The following PTPRT variants were observed in gnomAD, a reference collection of about 807,000 sequenced individuals.
The protein encoded by PTPRT is protein tyrosine phosphatase receptor type T.
In PTPRT, 56 loss-of-function variants were observed where a neutral mutation model predicts 176.8. That is an observed-to-expected ratio of 0.32 (90% CI 0.26 to 0.40). The LOEUF is 0.40. Among genes scored for constraint, PTPRT ranks in the 10% least tolerant of loss-of-function variants. The pLI is 1.00. For missense variants in PTPRT, 1,540 were observed against 1,908.2 expected (o/e 0.81, Z 3.60); for synonymous variants, 783 against 739.0 (o/e 1.06, Z -0.96).
At chr20:42,504,524 C>T (rs1436097219) in intron 7 of PTPRT, among the ~76,000 whole-genome samples, 2 of 151,956 alleles carry the variant, frequency 1.3e-5, no homozygotes, top group East Asian at 3.9e-4. Flanking sequence ...TATCATTTTG[C>T]TTTCAGTCTA....
intron 13 of PTPRT, among the ~76,000 whole-genome samples, chr20:42,250,805 G>T (rs2056539103): frequency 6.6e-6 from 1 of 152,230 alleles, no homozygotes. Flanking sequence ...TGTCTGTAGA[G>T]TCAGAGATTC....
intron 2 of PTPRT, among the ~76,000 whole-genome samples, chr20:42,844,408 C>T (rs555732568): frequency 6.6e-6 from 1 of 152,338 alleles, no homozygotes; most frequent in South Asian, 2.1e-4. Flanking sequence ...ATAGCATCCA[C>T]ATTACCATCA....
At chr20:42,301,623 T>C (rs1441491100) in intron 12 of PTPRT, among the ~76,000 whole-genome samples, 8 of 152,012 alleles carry the variant, frequency 5.3e-5, no homozygotes, top group Non-Finnish European at 1.2e-4. Flanking sequence ...GGGTGATTTA[T>C]AGACAGATAG....
chr20:42,509,594 T>G (rs1387787237), intron 7 of PTPRT, among the ~76,000 whole-genome samples: 1 of 150,710 alleles, frequency 6.6e-6, no homozygotes, highest in African/African-American at 2.4e-5. Flanking sequence ...TGTTCCTTAT[T>G]CATTTATCAA....
chr20:42,791,014 T>C (rs2077366458), intron 3 of PTPRT, among the ~76,000 whole-genome samples, 181 bp downstream of exon 3: 1 of 152,200 alleles, frequency 6.6e-6, no homozygotes, highest in Admixed American at 6.5e-5. Flanking sequence ...CTACAAATGA[T>C]GAATTCAAGT....
intron 7 of PTPRT, among the ~76,000 whole-genome samples, chr20:42,554,138 A>G (rs1295370394): frequency 6.6e-6 from 1 of 152,142 alleles, no homozygotes; most frequent in Non-Finnish European, 1.5e-5. Context: ...TTGCCTACAG[A>G]GAGTCCTTGA....
In PTPRT at chr20:42,315,936, A is replaced by G. The variant is rs879381661; in HGVS notation, c.1926T>C (p.Ile642=). The change falls in exon 12 of 31, where the codon ATT becomes ATC. Residue 642 remains isoleucine, a synonymous_variant. Coordinates refer to ENST00000373187, the MANE Select transcript of PTPRT (RefSeq NM_007050.6). ...TCACGGGCACCGAAAAGCACTCAAT[A>G]ATGTCAGCTGCCCTCCGTGACTTCT... is the stretch of plus-strand genomic sequence containing the variant. ...RLQKSRRAAD[I]IECFSVPVSY... 9.3e-6 allele frequency: 15 copies of G among 1,614,014 alleles called. No homozygotes were observed. Among genetic ancestry groups the G allele is most frequent in the Non-Finnish European group, 1.2e-5 (14 of 1,180,028 alleles).
intron 1 of PTPRT, among the ~76,000 whole-genome samples, chr20:42,958,663 T>A (rs540772894): frequency 6.6e-6 from 1 of 152,156 alleles, no homozygotes; most frequent in African/African-American, 2.4e-5. Flanking sequence ...TCTACCCCTT[T>A]ACTAGGGGAA....
intron 7 of PTPRT, among the ~76,000 whole-genome samples, chr20:42,543,548 G>C (rs747489367): frequency 6.6e-6 from 1 of 151,830 alleles, no homozygotes; most frequent in Non-Finnish European, 1.5e-5. Flanking sequence ...ATCTGTGAGG[G>C]TTAGAATCAA....
Position 42,819,972 on chromosome 20 carries a change from G to T in PTPRT, c.215-28506C>A, listed in dbSNP as rs377428124. Among the ~76,000 whole-genome samples the T allele has an allele frequency of 8.5e-5, 13 of 152,268 alleles. No individual in the cohort carries two copies. In the East Asian group the frequency reaches 1.2e-3, roughly 14 times the overall value. ...AGATTCCCACACAATAATATTGGGA[G>T]ACTTTAATACCTCACTCTCAATATT... On this transcript the variant is annotated intron_variant, in intron 2 of 30. Coordinates refer to ENST00000373187, the MANE Select transcript of PTPRT (RefSeq NM_007050.6).
chr20:42,964,673 T>C (rs1982195045), intron 1 of PTPRT, among the ~76,000 whole-genome samples: 1 of 152,200 alleles, frequency 6.6e-6, no homozygotes, highest in Admixed American at 6.5e-5. Context: ...CCTCTCTCCC[T>C]ACATGGAATT....
chr20:42,901,119 A>C (rs2079397074), intron 1 of PTPRT, among the ~76,000 whole-genome samples: 1 of 152,116 alleles, frequency 6.6e-6, no homozygotes. Flanking sequence ...CTGTTTGATC[A>C]CCAATAAATA....
intron 9 of PTPRT, among the ~76,000 whole-genome samples, chr20:42,374,883 T>C (rs1751259147): frequency 1.3e-5 from 2 of 152,164 alleles, no homozygotes; most frequent in African/African-American, 4.8e-5. Context: ...AACTAGAATC[T>C]GACACAGAGA....
At position 43,014,906 on chromosome 20, in the gene PTPRT, T is replaced by G. The variant is rs192011937; in HGVS notation, c.89-128974A>C. 3.9e-5 allele frequency among the ~76,000 whole-genome samples: 6 copies of G among 152,292 alleles called. No homozygotes were observed. The East Asian group carries it at 1.2e-3, about 29-fold the overall frequency. Reference sequence around the variant, plus strand: ...TTTTAAAGCATTTCCACACAAAGTATGGGGCATAAGATCTGTTAAAGGAAA... The same window carrying G: ...TTTTAAAGCATTTCCACACAAAGTAGGGGGCATAAGATCTGTTAAAGGAAA... On this transcript the variant is annotated intron_variant, in intron 1 of 30. Coordinates refer to ENST00000373187, the MANE Select transcript of PTPRT (RefSeq NM_007050.6).
At chr20:42,679,702 T>A (rs1229030260) in intron 6 of PTPRT, among the ~76,000 whole-genome samples, 1 of 141,602 alleles carries the variant, frequency 7.1e-6, no homozygotes, top group East Asian at 2.1e-4. Context: ...CTTCCTTCAC[T>A]TATATTGTAA....
chr20:43,043,829 A>G (rs905658572), intron 1 of PTPRT, among the ~76,000 whole-genome samples: 5 of 152,182 alleles, frequency 3.3e-5, no homozygotes, highest in African/African-American at 1.2e-4. Context: ...CAGCCTGAAT[A>G]CTGTGAAGAA....
intron 9 of PTPRT, among the ~76,000 whole-genome samples, chr20:42,360,439 GCT>G (rs1168937370): frequency 6.6e-6 from 1 of 152,156 alleles, no homozygotes; most frequent in Non-Finnish European, 1.5e-5. Flanking sequence ...ACGGCTCTAA[GCT>G]CTTTCTTCCT....
At chr20:42,965,987 G>A (rs947825491) in intron 1 of PTPRT, among the ~76,000 whole-genome samples, 1 of 152,156 alleles carries the variant, frequency 6.6e-6, no homozygotes, top group Non-Finnish European at 1.5e-5. Flanking sequence ...ACTAAACACC[G>A]GAGAAGACAG....
chr20:42,839,679 C>A (rs539497107), intron 2 of PTPRT, among the ~76,000 whole-genome samples: 4 of 152,290 alleles, frequency 2.6e-5, no homozygotes, highest in Admixed American at 1.3e-4. Context: ...GAAAAATGAC[C>A]AAGGACATCC....
Sources: gnomAD v4.1 joint callset for allele counts (sites outside exome capture counted in the v4.1 genomes callset) on GRCh38, gnomAD v4.1.1 for gene constraint, MANE v1.5 for transcripts, NCBI Gene and HGNC (gene_info 2026-07-23, HGNC 2026-07-21) for gene names.